PCDH7: variants seen among roughly 807,000 people sequenced by gnomAD.
PCDH7 encodes the protein protocadherin-7.
PCDH7 carries 17 observed loss-of-function variants against 58.9 expected under a neutral mutation model. The ratio of observed to expected loss-of-function variants is 0.29; its 90% CI spans 0.20 to 0.43. The LOEUF (loss-of-function observed/expected upper bound fraction) is 0.43. PCDH7 is among the 20% of genes least tolerant of loss of function. The pLI is 1.00. For missense variants in PCDH7, 1,274 were observed against 1,441.0 expected (o/e 0.88, Z 1.88); for synonymous variants, 664 against 616.4 (o/e 1.08, Z -1.14).
At position 30,910,380 on chromosome 4, in the gene PCDH7, CA is replaced by C. The variant is rs1280639873; in HGVS notation, c.71-9770del. The stretch of plus-strand genomic sequence containing the variant: ...AAAAGAATCTATCAGAGTGAACAGG[CA>C]AACTACAGAATGGGAGAAAATTTTT... On this transcript the variant is annotated intron_variant, in intron 1 of 3. Coordinates refer to the PCDH7 transcript ENST00000509759. 7.2e-5 allele frequency among the ~76,000 whole-genome samples: 11 copies of C among 152,172 alleles called. No homozygotes were observed. The East Asian group carries it at 1.2e-3, about 16-fold the overall frequency.
chr4:30,986,847 G>A (rs1336743724), intron 3 of PCDH7, among the ~76,000 whole-genome samples: 1 of 151,794 alleles, frequency 6.6e-6, no homozygotes, highest in Non-Finnish European at 1.5e-5. Context: ...TGAGTGTGGT[G>A]GTGGGCGCCT....
chr4:31,082,100 C>G (rs540875444), intron 3 of PCDH7, among the ~76,000 whole-genome samples: 68 of 152,166 alleles, frequency 4.5e-4, no homozygotes, highest in African/African-American at 1.6e-3. Flanking sequence ...TAAAAAATTT[C>G]TAACTGAAAG....
intron 1 of PCDH7, among the ~76,000 whole-genome samples, chr4:30,765,061 C>G (rs1281513007): frequency 7.1e-6 from 1 of 141,032 alleles, no homozygotes. Context: ...ATATGATCTG[C>G]TTGGGAAATG....
intron 3 of PCDH7, among the ~76,000 whole-genome samples, chr4:31,090,737 G>A (rs549876224): frequency 1.3e-5 from 2 of 152,030 alleles, no homozygotes; most frequent in East Asian, 3.9e-4. Context: ...AATCTTTGAA[G>A]TTCACAAATT....
rs187467852 is a variant in PCDH7 at position 30,724,650 on chromosome 4, A to T, written c.3174+54A>T. ...ATCCCAGGGAGGGCTAATAACTCTG[A>T]GACAGATTATCTTCTGTAAAGTTTT... On this transcript the variant is annotated intron_variant, in intron 1 of 1. Transcript: ENST00000361762. The T allele has an allele frequency of 1.5e-3, 2,316 of 1,562,954 alleles. 9 individuals are homozygous for T. The highest frequency in any genetic ancestry group is 1.1e-3 in the Non-Finnish European group (1,230 of 1,150,310).
At chr4:31,013,530 G>A (rs1232535708) in intron 3 of PCDH7, among the ~76,000 whole-genome samples, 2 of 146,814 alleles carry the variant, frequency 1.4e-5, no homozygotes, top group African/African-American at 5.1e-5. Flanking sequence ...TATATATGTA[G>A]ACATACTCTT....
At chr4:31,024,003 G>A (rs1017329581) in intron 3 of PCDH7, among the ~76,000 whole-genome samples, 2 of 152,168 alleles carry the variant, frequency 1.3e-5, no homozygotes, top group Non-Finnish European at 2.9e-5. Flanking sequence ...AGACCTTGAT[G>A]TCCATTTGGG....
chr4:30,728,537 CTG>C (rs1714979871), intron 1 of PCDH7, among the ~76,000 whole-genome samples: 1 of 151,678 alleles, frequency 6.6e-6, no homozygotes, highest in South Asian at 2.1e-4. Flanking sequence ...GGAAGTTAGG[CTG>C]TGTCTTTAGT....
intron 2 of PCDH7, among the ~76,000 whole-genome samples, chr4:30,946,526 C>CTTTTTTTTTTTCATAAACT (rs113948298): frequency 6.6e-6 from 1 of 150,746 alleles, no homozygotes; most frequent in East Asian, 2.0e-4. Flanking sequence ...TTTCCATAAA[C>CTTTTTTTTTTTCATAAACT]TTTTTTTTTT....
intron 2 of PCDH7, among the ~76,000 whole-genome samples, chr4:30,942,687 C>T (rs890939373): frequency 3.3e-5 from 5 of 151,818 alleles, no homozygotes; most frequent in Non-Finnish European, 5.9e-5. Context: ...TATGAGTAAC[C>T]CAGGTTAAGA....
intron 3 of PCDH7, among the ~76,000 whole-genome samples, chr4:31,087,183 C>T (rs1188200413): frequency 2.0e-5 from 3 of 152,046 alleles, no homozygotes; most frequent in Non-Finnish European, 4.4e-5. Flanking sequence ...TCACCCTGTT[C>T]GAATAATTTC....
intron 1 of PCDH7, among the ~76,000 whole-genome samples, chr4:30,811,602 C>T (rs1727023529): frequency 6.6e-6 from 1 of 152,118 alleles, no homozygotes; most frequent in Non-Finnish European, 1.5e-5. Context: ...GCTTTGGTCA[C>T]ATGATACTTT....
At chr4:30,880,342 CCT>C (rs1208378709) in intron 1 of PCDH7, among the ~76,000 whole-genome samples, 1 of 151,312 alleles carries the variant, frequency 6.6e-6, no homozygotes, top group East Asian at 1.9e-4. Flanking sequence ...ACAAAGGACT[CCT>C]TATATAAAGA....
rs142083838 is a variant in PCDH7 at position 30,722,805 on chromosome 4, C to G, written c.1383C>G (p.Thr461=). The change falls in exon 1 of 2, where the codon ACC becomes ACG. Residue 461 remains threonine, a synonymous_variant. Transcript: ENST00000361762. This position sits in a 1 kb window ranked among gnomAD's most constrained non-coding sequence, Gnocchi z 7.6. ...GCGAGAACGGGGTGGTCACCTGCACCGTGGTGGGCGACGTGCCCTTCCAGC... is the reference window on the plus strand; with the variant it reads ...GCGAGAACGGGGTGGTCACCTGCACGGTGGTGGGCGACGTGCCCTTCCAGC... 5 of 1,613,638 alleles carry G rather than the reference C, an allele frequency of 3.1e-6. No individual in the cohort carries two copies. Among genetic ancestry groups the G allele is most frequent in the Non-Finnish European group, 4.2e-6 (5 of 1,180,034 alleles).
In PCDH7 at chr4:31,101,896, A is replaced by G. The variant is rs368767923; in HGVS notation, c.*8-40577A>G. ...ATATGGATGAACCAAGCATAATTCC[A>G]TATTACAAATGAAAGGACATGGTAG... On this transcript the variant is annotated intron_variant, in intron 3 of 3. Coordinates refer to the PCDH7 transcript ENST00000509759. Among the ~76,000 whole-genome samples the G allele has an allele frequency of 4.2e-4, 64 of 152,316 alleles. No individual in the cohort carries two copies. The South Asian group carries it at 0.013, about 30-fold the overall frequency.
intron 3 of PCDH7, among the ~76,000 whole-genome samples, chr4:30,996,501 C>T (rs1751912053): frequency 2.0e-5 from 3 of 152,122 alleles, no homozygotes; most frequent in Admixed American, 1.3e-4. Context: ...AGGAAAATGA[C>T]TTTTCTTCCC....
At chr4:31,088,093 ATTCTGT>A (rs1165075051) in intron 3 of PCDH7, among the ~76,000 whole-genome samples, 2 of 151,984 alleles carry the variant, frequency 1.3e-5, no homozygotes, top group African/African-American at 4.8e-5. Context: ...CTTTCTCCAG[ATTCTGT>A]TTCTATCTAC....
chr4:31,142,663 C>G, exon 4 of PCDH7: 1 of 1,367,640 alleles, frequency 7.3e-7, no homozygotes, highest in Non-Finnish European at 9.8e-7. Context: ...ATGGGGAGGC[C>G]GCCATCATGG....
intron 3 of PCDH7, among the ~76,000 whole-genome samples, chr4:30,999,925 G>A (rs576698171): frequency 2.0e-5 from 3 of 152,188 alleles, no homozygotes; most frequent in African/African-American, 7.2e-5. Context: ...CTTGGATAAG[G>A]AATGGCAACA....
Sources: allele counts gnomAD v4.1 joint callset (sites outside exome capture counted in the v4.1 genomes callset), GRCh38; gene constraint gnomAD v4.1.1; non-coding constraint Gnocchi (gnomAD v3.1); transcripts MANE v1.5; gene names NCBI Gene and HGNC (gene_info 2026-07-23, HGNC 2026-07-21).